GRM8: variants seen among roughly 807,000 people sequenced by gnomAD.
GRM8 encodes the protein glutamate metabotropic receptor 8.
GRM8 carries 47 observed loss-of-function variants against 87.2 expected under a neutral mutation model. That is an observed-to-expected ratio of 0.54 (90% CI 0.43 to 0.69). The LOEUF is 0.69. Among genes scored for constraint, GRM8 ranks in the 30% least tolerant of loss-of-function variants. GRM8 has a pLI of 0.00. For missense variants in GRM8, 1,019 were observed against 1,139.2 expected, an observed-to-expected ratio of 0.89 and a Z score of 1.52; for synonymous variants, 396 against 404.5, an observed-to-expected ratio of 0.98 and a Z score of 0.25.
At chr7:127,077,615 G>T (rs1017388464) in intron 3 of GRM8, among the ~76,000 whole-genome samples, 16 of 152,316 alleles carry the variant, frequency 1.1e-4, no homozygotes, top group African/African-American at 3.6e-4. Context: ...GAATACGAGA[G>T]TATGAGATAT....
chr7:127,172,940 T>G (rs1179849466), intron 2 of GRM8, among the ~76,000 whole-genome samples: 1 of 152,174 alleles, frequency 6.6e-6, no homozygotes, highest in African/African-American at 2.4e-5. Context: ...ATCAAAATTG[T>G]GAGCTGGCTT....
chr7:126,544,429 G>C (rs959009662), intron 8 of GRM8, among the ~76,000 whole-genome samples: 6 of 151,972 alleles, frequency 3.9e-5, no homozygotes, highest in Admixed American at 6.5e-5. Context: ...AGCTAATTTT[G>C]AGGAGACTAA....
Position 126,983,304 on chromosome 7 carries a change from A to C in GRM8, c.728-78621T>G, listed in dbSNP as rs141610615. On this transcript the variant is annotated intron_variant, in intron 3 of 10. Coordinates refer to ENST00000339582, the MANE Select transcript of GRM8 (RefSeq NM_000845.3). ...GCCATCCTGAAGCATCTGGATTGAA[A>C]GGATAATAGAATTGCCTTTGGAAGT... Among the ~76,000 whole-genome samples, 559 of 151,978 alleles carry C rather than the reference A, an allele frequency of 3.7e-3. 3 individuals carry two copies. Among genetic ancestry groups the C allele is most frequent in the Non-Finnish European group, 6.5e-3 (441 of 68,004 alleles).
At chr7:127,022,436 T>C (rs1441365787) in intron 3 of GRM8, among the ~76,000 whole-genome samples, 1 of 152,086 alleles carries the variant, frequency 6.6e-6, no homozygotes, top group African/African-American at 2.4e-5. Flanking sequence ...ATGACTATAA[T>C]AATTCTTTAC....
At chr7:126,650,133 G>T (rs1803644676) in intron 7 of GRM8, among the ~76,000 whole-genome samples, 1 of 152,182 alleles carries the variant, frequency 6.6e-6, no homozygotes, top group African/African-American at 2.4e-5. Context: ...TGAACTGGGT[G>T]CTTTCTGACC....
At chr7:127,153,054 C>T (rs1034268936) in intron 2 of GRM8, among the ~76,000 whole-genome samples, 1 of 152,100 alleles carries the variant, frequency 6.6e-6, no homozygotes, top group Admixed American at 6.6e-5. Context: ...AGTCACAAGA[C>T]CATAACCCAA....
At chr7:127,130,498 T>C (rs192363320) in intron 2 of GRM8, among the ~76,000 whole-genome samples, 36 of 152,228 alleles carry the variant, frequency 2.4e-4, no homozygotes, top group Middle Eastern at 3.4e-3. Context: ...AGAACTGGAG[T>C]ACAGGTCACT....
chr7:126,523,695 G>T (rs759616119), intron 9 of GRM8, among the ~76,000 whole-genome samples: 1 of 151,944 alleles, frequency 6.6e-6, no homozygotes, highest in East Asian at 1.9e-4. Context: ...ATGCGGTATC[G>T]CCAGGTTGGC....
In GRM8 at chr7:126,645,278, A is replaced by G. The variant is rs145965600; in HGVS notation, c.1358-35780T>C. Among the ~76,000 whole-genome samples the G allele has an allele frequency of 1.4e-4, 21 of 152,298 alleles. No individual in the cohort carries two copies. In the East Asian group the frequency reaches 4.0e-3, roughly 29 times the overall value. On this transcript the variant is annotated intron_variant, in intron 7 of 10. Transcript: ENST00000339582. The stretch of plus-strand genomic sequence containing the variant: ...AGTCACAAGATCTCTGACTTCTCCA[A>G]TTGCTCCTATAGATAACATCATTAT...
rs140773079 is a variant in GRM8 at position 126,904,091 on chromosome 7, C to T, written c.899G>A (p.Ser300Asn). The T allele has an allele frequency of 6.2e-6, 10 of 1,612,210 alleles. No individual in the cohort carries two copies. Among genetic ancestry groups the T allele is most frequent in the Non-Finnish European group, 8.5e-6 (10 of 1,178,946 alleles). ...TGAGCCAATCCAGAGAAAATGCCCA[C>T]TTTGGTTTAGTTTTTTTGCTGCTTC... is the stretch of plus-strand genomic sequence containing the variant. ...ILEAAKKLNQ[S>N]GHFLWIGSDS... Residue 300 changes from serine to asparagine, a missense_variant, in exon 5 of 11, where the codon AGT becomes AAT. By Grantham distance (46) the Ser-to-Asn change is conservative (BLOSUM62 1). Transcript: ENST00000339582.
intron 8 of GRM8, among the ~76,000 whole-genome samples, chr7:126,572,006 G>T (rs1377035154): frequency 6.6e-6 from 1 of 152,084 alleles, no homozygotes. Context: ...CTCCCAAAGT[G>T]CTGGGATTAC....
intron 9 of GRM8, among the ~76,000 whole-genome samples, chr7:126,494,379 T>C (rs191167234): frequency 8.6e-4 from 131 of 152,136 alleles, no homozygotes; most frequent in Non-Finnish European, 1.5e-3. Context: ...CACACGCAGG[T>C]TGTCAGTCAT....
chr7:127,056,751 G>A (rs1271038116), intron 3 of GRM8, among the ~76,000 whole-genome samples: 2 of 152,188 alleles, frequency 1.3e-5, no homozygotes, highest in Non-Finnish European at 2.9e-5. Flanking sequence ...TTTGCTAATT[G>A]TTTTTCTGTA....
chr7:126,763,901 C>T (rs1585837010), intron 7 of GRM8, among the ~76,000 whole-genome samples: 1 of 151,556 alleles, frequency 6.6e-6, no homozygotes, highest in East Asian at 1.9e-4. Context: ...AATGTCTCTC[C>T]GTTTTTTCAA....
At chr7:126,661,774 T>C (rs1159973544) in intron 7 of GRM8, among the ~76,000 whole-genome samples, 1 of 152,192 alleles carries the variant, frequency 6.6e-6, no homozygotes, top group Non-Finnish European at 1.5e-5. Flanking sequence ...GTGACTGCCA[T>C]ACTCTTCCTC....
intron 3 of GRM8, among the ~76,000 whole-genome samples, chr7:127,088,078 T>A (rs1823690356): frequency 6.6e-6 from 1 of 152,226 alleles, no homozygotes. Context: ...TTTATGACAG[T>A]CAAACAAAAT....
At chr7:126,906,299 C>T (rs1802663233) in intron 3 of GRM8, among the ~76,000 whole-genome samples, 1 of 151,996 alleles carries the variant, frequency 6.6e-6, no homozygotes, top group Non-Finnish European at 1.5e-5. Context: ...ATTAAGCCAC[C>T]CAGTATATGA....
Position 126,718,005 on chromosome 7 carries a change from G to A in GRM8, c.1357+51860C>T, listed in dbSNP as rs78075841. ...CTCAGCACTTTGGGAGGCCAAGGCC[G>A]GCGGATCACAAGGTCAGGAGATCGA... On this transcript the variant is annotated intron_variant, in intron 7 of 10. Coordinates refer to ENST00000339582, the MANE Select transcript of GRM8 (RefSeq NM_000845.3). 3.0e-3 allele frequency among the ~76,000 whole-genome samples: 450 copies of A among 152,150 alleles called. 6 individuals carry two copies. In the East Asian group the frequency reaches 0.05, roughly 17 times the overall value.
intron 7 of GRM8, among the ~76,000 whole-genome samples, chr7:126,700,633 G>C (rs1301841418): frequency 1.3e-5 from 2 of 151,740 alleles, no homozygotes; most frequent in African/African-American, 4.8e-5. Context: ...TGATAAATTG[G>C]GACTCCAGTC....
Sources: gnomAD v4.1 joint callset for allele counts (sites outside exome capture counted in the v4.1 genomes callset) on GRCh38, gnomAD v4.1.1 for gene constraint, MANE v1.5 for transcripts, NCBI Gene and HGNC (gene_info 2026-07-23, HGNC 2026-07-21) for gene names.